The following GPC5 variants were observed in gnomAD, a reference collection of about 807,000 sequenced individuals.
The protein encoded by GPC5 is glypican 5.
GPC5 carries 47 observed loss-of-function variants against 53.9 expected under a neutral mutation model. That is an observed-to-expected ratio of 0.87 (90% CI 0.69 to 1.11). The LOEUF is 1.11. Ranked by LOEUF, GPC5 falls within the 50% of genes most tolerant of loss-of-function variation. GPC5 has a pLI of 0.00. For missense variants in GPC5, 748 were observed against 713.1 expected, an observed-to-expected ratio of 1.05 and a Z score of -0.56; for synonymous variants, 286 against 263.3, an observed-to-expected ratio of 1.09 and a Z score of -0.84.
At chr13:92,623,727 A>G (rs1363237517) in intron 7 of GPC5, among the ~76,000 whole-genome samples, 4 of 152,126 alleles carry the variant, frequency 2.6e-5, no homozygotes, top group Non-Finnish European at 5.9e-5. Context: ...ATAACTAAAC[A>G]TCTAAAAATA....
At chr13:92,782,970 G>C (rs1876086957) in intron 7 of GPC5, among the ~76,000 whole-genome samples, 1 of 152,110 alleles carries the variant, frequency 6.6e-6, no homozygotes, top group African/African-American at 2.4e-5. Context: ...AGGTAACCCA[G>C]TACTCCAGAA....
intron 2 of GPC5, among the ~76,000 whole-genome samples, chr13:91,659,847 G>C (rs936757284): frequency 6.6e-6 from 1 of 152,194 alleles, no homozygotes; most frequent in African/African-American, 2.4e-5. Flanking sequence ...AGTTCTGAGA[G>C]AAGCTGTCAT....
At chr13:91,912,122 A>C (rs2039615552) in intron 6 of GPC5, among the ~76,000 whole-genome samples, 1 of 152,218 alleles carries the variant, frequency 6.6e-6, no homozygotes, top group African/African-American at 2.4e-5. Context: ...AAGACAATGG[A>C]ATCATACAAA....
chr13:91,872,000 T>C (rs756369748), intron 5 of GPC5, among the ~76,000 whole-genome samples: 3 of 152,068 alleles, frequency 2.0e-5, no homozygotes, highest in Non-Finnish European at 4.4e-5. Context: ...TTGGTGATGG[T>C]GAACCTCTGT....
intron 2 of GPC5, among the ~76,000 whole-genome samples, chr13:91,488,820 T>C (rs1883766533): frequency 1.3e-5 from 2 of 152,240 alleles, no homozygotes; most frequent in South Asian, 4.1e-4. Context: ...AACAGAGCTG[T>C]ATTTCTCTTC....
chr13:91,439,174 C>T (rs562979869), intron 1 of GPC5, among the ~76,000 whole-genome samples: 1 of 152,306 alleles, frequency 6.6e-6, no homozygotes, highest in East Asian at 1.9e-4. Flanking sequence ...CAGTGGTTCT[C>T]AACCAGAGAT....
chr13:92,304,026 C>G (rs2043093369), intron 7 of GPC5, among the ~76,000 whole-genome samples: 1 of 152,050 alleles, frequency 6.6e-6, no homozygotes, highest in East Asian at 1.9e-4. Context: ...AGATTCCATT[C>G]TATTGTTTAC....
intron 7 of GPC5, among the ~76,000 whole-genome samples, chr13:92,157,009 CA>C (rs948288471): frequency 2.6e-5 from 4 of 151,974 alleles, no homozygotes; most frequent in African/African-American, 9.7e-5. Flanking sequence ...TTTTAATGAA[CA>C]ATGCTACAAG....
At chr13:92,683,262 C>A (rs1415879223) in intron 7 of GPC5, among the ~76,000 whole-genome samples, 1 of 152,064 alleles carries the variant, frequency 6.6e-6, no homozygotes, top group Non-Finnish European at 1.5e-5. Flanking sequence ...GAGAAGAAAT[C>A]CCAAGGATGG....
At chr13:91,861,884 TC>T (rs1162753151) in intron 5 of GPC5, among the ~76,000 whole-genome samples, 1 of 151,498 alleles carries the variant, frequency 6.6e-6, no homozygotes, top group Non-Finnish European at 1.5e-5. Flanking sequence ...AGTTAACTAA[TC>T]TAAATTTTAC....
intron 4 of GPC5, among the ~76,000 whole-genome samples, chr13:91,740,970 A>G (rs573410563): frequency 6.6e-6 from 1 of 152,304 alleles, no homozygotes; most frequent in Non-Finnish European, 1.5e-5. Context: ...ATTAAGATGG[A>G]GTCTCAACAC....
intron 7 of GPC5, among the ~76,000 whole-genome samples, chr13:92,301,405 A>G (rs980807487): frequency 2.0e-5 from 3 of 152,044 alleles, no homozygotes; most frequent in Non-Finnish European, 4.4e-5. Flanking sequence ...GATAAGCACT[A>G]AAAAGTTAAA....
chr13:92,141,513 T>G (rs1186119942), intron 6 of GPC5, among the ~76,000 whole-genome samples: 1 of 152,198 alleles, frequency 6.6e-6, no homozygotes, highest in African/African-American at 2.4e-5. Flanking sequence ...TGACCTCTCA[T>G]TCTGAGAAAC....
intron 7 of GPC5, among the ~76,000 whole-genome samples, chr13:92,202,701 A>G (rs1343667976): frequency 6.6e-6 from 1 of 152,172 alleles, no homozygotes; most frequent in Non-Finnish European, 1.5e-5. Flanking sequence ...ATTTTATTGT[A>G]CTGGGTTCTT....
intron 5 of GPC5, among the ~76,000 whole-genome samples, chr13:91,880,248 A>G (rs1366415540): frequency 6.6e-6 from 1 of 151,952 alleles, no homozygotes; most frequent in African/African-American, 2.4e-5. Flanking sequence ...ACTTTCTAAG[A>G]TAGTGTTTTT....
chr13:92,066,243 G>A (rs1349348914), intron 6 of GPC5, among the ~76,000 whole-genome samples: 1 of 151,992 alleles, frequency 6.6e-6, no homozygotes, highest in Non-Finnish European at 1.5e-5. Context: ...GCTAATCACT[G>A]TATCTTTACT....
intron 7 of GPC5, among the ~76,000 whole-genome samples, chr13:92,213,303 C>A (rs2042388149): frequency 6.6e-6 from 1 of 152,110 alleles, no homozygotes; most frequent in Non-Finnish European, 1.5e-5. Context: ...GCTTACAAAT[C>A]ATTTTTTTAA....
At chr13:92,073,533 G>A (rs1325667494) in intron 6 of GPC5, among the ~76,000 whole-genome samples, 9 of 152,084 alleles carry the variant, frequency 5.9e-5, no homozygotes, top group Admixed American at 3.3e-4. Context: ...CTAGTTCTTC[G>A]CAGTGTTCAT....
In GPC5 at chr13:92,838,253, G is replaced by A. The variant is rs374612765; in HGVS notation, c.1562-28029G>A. Among the ~76,000 whole-genome samples, 8 of 152,006 alleles carry A rather than the reference G, an allele frequency of 5.3e-5. No individual in the cohort carries two copies. The East Asian group carries it at 1.4e-3, about 26-fold the overall frequency. On this transcript the variant is annotated intron_variant, in intron 7 of 7. Coordinates refer to ENST00000377067, the MANE Select transcript of GPC5 (RefSeq NM_004466.6). ...TAATCTCAGCACTTTGGGAGGCCGC[G>A]GAGGGCGGATCACGAGGTCAGGAGA...
Sources: gnomAD v4.1 joint callset for allele counts (sites outside exome capture counted in the v4.1 genomes callset) on GRCh38, gnomAD v4.1.1 for gene constraint, MANE v1.5 for transcripts, NCBI Gene and HGNC (gene_info 2026-07-23, HGNC 2026-07-21) for gene names.